PLCE1: variants seen among roughly 807,000 people sequenced by gnomAD.
The protein encoded by PLCE1 is 1-phosphatidylinositol 4,5-bisphosphate phosphodiesterase epsilon-1.
In PLCE1, 119 loss-of-function variants were observed where a neutral mutation model predicts 242.8. The observed-to-expected ratio is 0.49, with a 90% CI of 0.42 to 0.57. The LOEUF (loss-of-function observed/expected upper bound fraction) is 0.57, where lower values mean the gene tolerates loss of function less well. PLCE1 is among the 20% of genes least tolerant of loss of function. The pLI, the probability that PLCE1 is intolerant of heterozygous loss-of-function variation, is 0.00. For missense variants in PLCE1, 2,441 were observed against 2,788.8 expected (o/e 0.88, Z 2.81); for synonymous variants, 945 against 1,017.4 (o/e 0.93, Z 1.35).
chr10:94,045,571 A>G (rs2061865284), intron 2 of PLCE1, among the ~76,000 whole-genome samples: 1 of 152,096 alleles, frequency 6.6e-6, no homozygotes, highest in Non-Finnish European at 1.5e-5. Context: ...AGGTCTCTAT[A>G]GACTCTCTCT....
Position 94,114,834 on chromosome 10 carries a change from T to G in PLCE1, c.1207-17340T>G, listed in dbSNP as rs528173860. Among the ~76,000 whole-genome samples the G allele has an allele frequency of 2.5e-3, 376 of 152,148 alleles. 1 individual carries two copies. Among genetic ancestry groups the G allele is most frequent in the Non-Finnish European group, 4.1e-3 (281 of 67,998 alleles). On this transcript the variant is annotated intron_variant, in intron 2 of 32. Transcript: ENST00000371380. ...GCACAACGTGCAGATTTGTTACATA[T>G]GTATACATGTGCCATGTTGGTGTGC...
intron 28 of PLCE1, among the ~76,000 whole-genome samples, chr10:94,315,727 G>A (rs901776284): frequency 1.4e-4 from 20 of 142,324 alleles, no homozygotes; most frequent in Admixed American, 1.3e-3. Flanking sequence ...CCGAGATCAC[G>A]CCACTGCACT....
rs192913209 is a variant in PLCE1, at chr10:94,165,959, G to A, written c.1493-5221G>A. Reference sequence around the variant, plus strand: ...TGACATCAGTTGATCCACCCTCCTCGCCTCCCAAAGTGCTGGGATTGCAGG... The same window carrying A: ...TGACATCAGTTGATCCACCCTCCTCACCTCCCAAAGTGCTGGGATTGCAGG... On this transcript the variant is annotated intron_variant, in intron 3 of 32. Coordinates refer to ENST00000371380, the MANE Select transcript of PLCE1 (RefSeq NM_016341.4). Among the ~76,000 whole-genome samples the A allele has an allele frequency of 8.3e-4, 126 of 152,050 alleles. 3 individuals carry two copies. The highest frequency in any genetic ancestry group is 6.3e-4 in the Non-Finnish European group (43 of 67,982).
intron 4 of PLCE1, among the ~76,000 whole-genome samples, chr10:94,187,786 G>A (rs373141298): frequency 2.0e-5 from 3 of 152,116 alleles, no homozygotes; most frequent in Non-Finnish European, 2.9e-5. Flanking sequence ...AGCCTCACGC[G>A]AACACAAGTT....
At chr10:94,323,524 A>G (rs554474773) in intron 30 of PLCE1, among the ~76,000 whole-genome samples, 1 of 152,264 alleles carries the variant, frequency 6.6e-6, no homozygotes, top group Non-Finnish European at 1.5e-5. Context: ...CGTTGGCTCC[A>G]GCAAAACACT....
In PLCE1 at chr10:94,273,700, G is replaced by A. The variant is rs2051834619; in HGVS notation, c.4645G>A (p.Val1549Met). 6.2e-7 allele frequency: 1 copy of A among 1,613,858 alleles called. No homozygotes were observed. The highest frequency in any genetic ancestry group is 1.7e-5 in the Admixed American group (1 of 60,006). Residue 1549 changes from valine (V) to methionine (M), a missense_variant, in exon 19 of 33, where the codon GTG becomes ATG. Val to Met is a conservative substitution (Grantham distance 21, BLOSUM62 1). Coordinates refer to ENST00000371380, the MANE Select transcript of PLCE1 (RefSeq NM_016341.4). The part of the protein sequence containing the change: ...NKKLKAHQTP[V>M]DILKQKAHQL... ...GAAGCTAAAAGCCCATCAGACGCCA[G>A]TGGATATCTTAAAGCAAAAGGTACT... is the stretch of plus-strand genomic sequence containing the variant.
At chr10:94,113,239 G>C (rs1258341444) in intron 2 of PLCE1, among the ~76,000 whole-genome samples, 1 of 150,380 alleles carries the variant, frequency 6.6e-6, no homozygotes, top group Non-Finnish European at 1.5e-5. Flanking sequence ...GAATTGTATG[G>C]AATGTGAATT....
At chr10:94,242,366 C>T (rs988757707) in intron 7 of PLCE1, among the ~76,000 whole-genome samples, 2 of 152,014 alleles carry the variant, frequency 1.3e-5, no homozygotes, top group Non-Finnish European at 2.9e-5. Flanking sequence ...TGCAGTGGCA[C>T]AATGCCAGCT....
chr10:94,170,161 C>CA (rs747436228), intron 3 of PLCE1, among the ~76,000 whole-genome samples: 2 of 152,140 alleles, frequency 1.3e-5, no homozygotes, highest in Non-Finnish European at 2.9e-5. Context: ...TGCTGTTACC[C>CA]AGTGTCCAGG....
intron 13 of PLCE1, 38 bp from the exon 14 acceptor site, chr10:94,262,456 G>A (rs367868766): frequency 6.6e-6 from 9 of 1,359,212 alleles, no homozygotes; most frequent in African/African-American, 4.3e-5. Context: ...AAAAGATGCT[G>A]GCTATCTTGT....
At chr10:94,029,969 C>A (rs562349985) in intron 1 of PLCE1, among the ~76,000 whole-genome samples, 81 of 152,258 alleles carry the variant, frequency 5.3e-4, no homozygotes, top group African/African-American at 1.9e-3. Context: ...GATTCCCTCT[C>A]TCTACTAACA....
intron 2 of PLCE1, among the ~76,000 whole-genome samples, chr10:94,055,584 C>G (rs1415878785): frequency 1.3e-5 from 2 of 152,170 alleles, no homozygotes; most frequent in African/African-American, 4.8e-5. Flanking sequence ...TCCCAAAGTA[C>G]TGGGATTACA....
chr10:94,081,664 A>C (rs896667249), intron 2 of PLCE1, among the ~76,000 whole-genome samples: 2 of 152,202 alleles, frequency 1.3e-5, no homozygotes, highest in South Asian at 2.1e-4. Flanking sequence ...GCTAAACCTT[A>C]CTTAACTTGA....
intron 3 of PLCE1, among the ~76,000 whole-genome samples, chr10:94,143,672 T>A (rs1310142627): frequency 6.6e-6 from 1 of 152,220 alleles, no homozygotes; most frequent in Non-Finnish European, 1.5e-5. Context: ...ATTATTACAG[T>A]TAAAGTAACA....
At chr10:94,305,532 T>C (rs2053171036) in intron 25 of PLCE1, among the ~76,000 whole-genome samples, 1 of 152,194 alleles carries the variant, frequency 6.6e-6, no homozygotes, top group Non-Finnish European at 1.5e-5. Context: ...GCCCTCCAAG[T>C]ACGACACCCC....
chr10:94,308,312 T>TGATCAGGTTTTCCTACTA lies in PLCE1; in HGVS notation c.5885-257_5885-240dup, dbSNP rs563033100. The stretch of plus-strand genomic sequence containing the variant: ...GTGCTTCATTCACAGGGACTGTTAG[T>TGATCAGGTTTTCCTACTA]GATCAGGTTTTCCTACTAGATCAGG... On this transcript the variant is annotated intron_variant, in intron 26 of 32. Coordinates refer to ENST00000371380, the MANE Select transcript of PLCE1 (RefSeq NM_016341.4). Among the ~76,000 whole-genome samples, 265 of 152,352 alleles carry TGATCAGGTTTTCCTACTA rather than the reference T, an allele frequency of 1.7e-3. 1 individual carries two copies. Among genetic ancestry groups the TGATCAGGTTTTCCTACTA allele is most frequent in the African/African-American group, 6.2e-3 (258 of 41,582 alleles).
At chr10:94,323,821 A>G (rs74724536) in intron 30 of PLCE1, among the ~76,000 whole-genome samples, 2,810 of 152,324 alleles carry the variant, frequency 0.018, 30 homozygotes, top group South Asian at 0.041. Context: ...GGCCCTCACT[A>G]AACATTTAAT....
chr10:94,171,495 A>C lies in PLCE1; in HGVS notation c.1808A>C (p.Glu603Ala). ...GAAGATCTGGTGATGAGGTTTAATGAGGTAAGAAGCCACTTTTTGATGTCT... is the reference window on the plus strand; with the variant it reads ...GAAGATCTGGTGATGAGGTTTAATGCGGTAAGAAGCCACTTTTTGATGTCT... ...ALEDLVMRFNEVSSWVTWLIL... is the reference protein window; with the variant it reads ...ALEDLVMRFNAVSSWVTWLIL... The change falls in exon 4 of 33, where the codon GAG becomes GCG. Residue 603 changes from glutamate (E) to alanine (A), a missense_variant and splice_region_variant. Glu to Ala is a moderately radical substitution (Grantham distance 107). Coordinates refer to ENST00000371380, the MANE Select transcript of PLCE1 (RefSeq NM_016341.4). 1 of 1,612,956 alleles carries C rather than the reference A, an allele frequency of 6.2e-7. No homozygotes were observed. Among genetic ancestry groups the C allele is most frequent in the Non-Finnish European group, 8.5e-7 (1 of 1,178,946 alleles).
At chr10:94,094,406 T>C (rs1234409300) in intron 2 of PLCE1, among the ~76,000 whole-genome samples, 1 of 152,116 alleles carries the variant, frequency 6.6e-6, no homozygotes, top group Non-Finnish European at 1.5e-5. Flanking sequence ...AGAGGCAAAA[T>C]TGCCTCTGTT....
Sources: gnomAD v4.1 joint callset for allele counts (sites outside exome capture counted in the v4.1 genomes callset) on GRCh38, gnomAD v4.1.1 for gene constraint, MANE v1.5 for transcripts, NCBI Gene and HGNC (gene_info 2026-07-23, HGNC 2026-07-21) for gene names.